Variants in MED12L observed in about 807,000 individuals in gnomAD.
MED12L encodes mediator complex subunit 12L, also known as mediator of RNA polymerase II transcription subunit 12-like protein.
Under a neutral mutation model 281.3 loss-of-function variants are expected in MED12L, and 60 were observed. The observed-to-expected ratio is 0.21, with a 90% CI of 0.17 to 0.26. MED12L has a LOEUF of 0.26. Among genes scored for constraint, MED12L ranks in the 10% least tolerant of loss-of-function variants. The pLI is 1.00. For synonymous variants in MED12L, 974 were observed against 987.2 expected (o/e 0.99, Z 0.25); for missense variants, 2,146 against 2,680.9 (o/e 0.80, Z 4.41).
In MED12L at chr3:151,146,173, C is replaced by T. The variant is rs979105287; in HGVS notation, c.557-9988C>T. Among the ~76,000 whole-genome samples, 7 of 152,322 alleles carry T rather than the reference C, an allele frequency of 4.6e-5. No individual in the cohort carries two copies. The East Asian group carries it at 7.7e-4, about 17-fold the overall frequency. ...TGAAATCCCTGGAGTTGGAAATAAA[C>T]GTGTGCGTTGAACCAGCACCCTCTG... On this transcript the variant is annotated intron_variant, in intron 5 of 44. Transcript: ENST00000687756.
intron 12 of MED12L, among the ~76,000 whole-genome samples, chr3:151,187,777 C>T (rs1364249519): frequency 6.6e-6 from 1 of 152,202 alleles, no homozygotes; most frequent in Non-Finnish European, 1.5e-5. Context: ...TGTTAGCCTT[C>T]TCATTTGATA....
At chr3:151,393,294 T>A (rs1348644911) in intron 38 of MED12L, among the ~76,000 whole-genome samples, 1 of 152,096 alleles carries the variant, frequency 6.6e-6, no homozygotes, top group East Asian at 1.9e-4. Flanking sequence ...ATAAAAGGAG[T>A]AAGCAGTTTC....
intron 16 of MED12L, among the ~76,000 whole-genome samples, chr3:151,243,093 C>T (rs1734561734): frequency 6.6e-6 from 1 of 151,210 alleles, no homozygotes; most frequent in Non-Finnish European, 1.5e-5. Context: ...ATGAGCAAAG[C>T]CTCCAAGAAA....
intron 11 of MED12L, among the ~76,000 whole-genome samples, chr3:151,184,245 G>T (rs1279291281): frequency 6.6e-6 from 1 of 152,196 alleles, no homozygotes; most frequent in Non-Finnish European, 1.5e-5. Flanking sequence ...AGCATCTACA[G>T]CTGATCAGGG....
chr3:151,422,299 A>G (rs928747284), intron 43 of MED12L, among the ~76,000 whole-genome samples: 6 of 152,224 alleles, frequency 3.9e-5, no homozygotes, highest in African/African-American at 1.2e-4. Context: ...GATGTCTTCA[A>G]CAACAGAAAT....
intron 16 of MED12L, among the ~76,000 whole-genome samples, chr3:151,324,751 C>T (rs1011528507): frequency 5.3e-5 from 8 of 152,164 alleles, no homozygotes; most frequent in Non-Finnish European, 8.8e-5. Context: ...ATTCCGGTAG[C>T]CACTAAAATT....
chr3:151,169,619 G>A (rs1176479788), intron 11 of MED12L, among the ~76,000 whole-genome samples: 2 of 151,968 alleles, frequency 1.3e-5, no homozygotes, highest in African/African-American at 4.8e-5. Context: ...GAATTATAAG[G>A]CACTATACAA....
At chr3:151,088,108 A>T (rs984625867) in intron 2 of MED12L, among the ~76,000 whole-genome samples, 2 of 152,194 alleles carry the variant, frequency 1.3e-5, no homozygotes, top group African/African-American at 4.8e-5. Flanking sequence ...TTTCCTTTTG[A>T]TAAGTGTATC....
chr3:151,294,730 CAA>C (rs1160717469), intron 16 of MED12L: 1 of 1,614,104 alleles, frequency 6.2e-7, no homozygotes, highest in Non-Finnish European at 8.5e-7. Context: ...TTGGCAAAGA[CAA>C]AACAGCCATG....
chr3:151,383,175 A>G lies in MED12L; in HGVS notation c.4680+430A>G, dbSNP rs527408136. 3.3e-5 allele frequency among the ~76,000 whole-genome samples: 5 copies of G among 152,358 alleles called. No homozygotes were observed. In the East Asian group the frequency reaches 9.6e-4, roughly 29 times the overall value. The stretch of plus-strand genomic sequence containing the variant: ...CACAGAGAAGTTTTATAGAAATTTA[A>G]AATGTCTCACATATTGTGCATTCCT... On this transcript the variant is annotated intron_variant, in intron 33 of 44. Transcript: ENST00000687756.
intron 39 of MED12L, among the ~76,000 whole-genome samples, chr3:151,406,450 A>T (rs1311278233): frequency 6.6e-6 from 1 of 152,216 alleles, no homozygotes. Context: ...GGAGCACATG[A>T]TGATAACAGC....
intron 16 of MED12L, among the ~76,000 whole-genome samples, chr3:151,222,376 A>G (rs889412761): frequency 6.6e-6 from 1 of 152,176 alleles, no homozygotes; most frequent in East Asian, 1.9e-4. Context: ...CAGAGGTGGA[A>G]TGATATGGTT....
chr3:151,306,874 C>G (rs1223058383), intron 16 of MED12L, among the ~76,000 whole-genome samples: 2 of 152,194 alleles, frequency 1.3e-5, no homozygotes, highest in Non-Finnish European at 2.9e-5. Context: ...AGTGGTGGTT[C>G]TCAAATGACA....
intron 16 of MED12L, among the ~76,000 whole-genome samples, chr3:151,282,665 T>G (rs1365694570): frequency 6.6e-6 from 1 of 152,198 alleles, no homozygotes; most frequent in Non-Finnish European, 1.5e-5. Context: ...GAAAGTCAAC[T>G]TAGTACTGTA....
chr3:151,332,994 G>T (rs1218925643), intron 16 of MED12L, among the ~76,000 whole-genome samples: 1 of 152,146 alleles, frequency 6.6e-6, no homozygotes, highest in Admixed American at 6.5e-5. Context: ...ACAACATCTG[G>T]TGTTTGGTTT....
intron 16 of MED12L, among the ~76,000 whole-genome samples, chr3:151,333,678 A>G (rs112820090): frequency 2.0e-5 from 3 of 152,320 alleles, no homozygotes; most frequent in African/African-American, 7.2e-5. Context: ...TTCCTAGAAG[A>G]AGGATTATTG....
rs1351547856 is a variant in MED12L, at chr3:151,433,901, A to C, written c.*1097A>C. ...AAATTGGTGCAAAAAGCACAAGTAA[A>C]TTATACATCAAATTTATTATAAAGA... is the stretch of plus-strand genomic sequence containing the variant. On this transcript the variant is annotated 3_prime_UTR_variant, in exon 45 of 45. Transcript: ENST00000687756. 6.5e-6 allele frequency: 1 copy of C among 152,688 alleles called. No individual in the cohort carries two copies. Among genetic ancestry groups the C allele is most frequent in the African/African-American group, 2.4e-5 (1 of 41,474 alleles). The allele number at this position is 152,688 out of a possible 1,614,324, so 9.5% of individuals were successfully genotyped here. A position where few individuals can be genotyped will look rare whatever the true frequency, so the allele number is the denominator to read the frequency against.
intron 16 of MED12L, among the ~76,000 whole-genome samples, chr3:151,250,048 C>G (rs988481913): frequency 6.6e-6 from 1 of 152,246 alleles, no homozygotes; most frequent in East Asian, 1.9e-4. Flanking sequence ...TGTGAATCCT[C>G]TTTATTAGCA....
chr3:151,406,754 T>G (rs1048383492), intron 39 of MED12L, among the ~76,000 whole-genome samples: 8 of 152,126 alleles, frequency 5.3e-5, no homozygotes, highest in African/African-American at 1.9e-4. Context: ...TGTTTTGTGA[T>G]TTTTAAAAAT....
Sources: allele counts gnomAD v4.1 joint callset (sites outside exome capture counted in the v4.1 genomes callset), GRCh38; gene constraint gnomAD v4.1.1; transcripts MANE v1.5; gene names NCBI Gene and HGNC (gene_info 2026-07-23, HGNC 2026-07-21).